Variants in EGFL7 observed in about 807,000 individuals in gnomAD.
EGFL7 encodes the protein epidermal growth factor-like protein 7.
Under a neutral mutation model 37.1 loss-of-function variants are expected in EGFL7, and 48 were observed. The observed-to-expected ratio is 1.29, with a 90% CI of 1.03 to 1.65. The LOEUF (loss-of-function observed/expected upper bound fraction) is 1.65. EGFL7 is among the 40% of genes most tolerant of loss of function. EGFL7 has a pLI of 0.00. For missense variants in EGFL7, 384 were observed against 378.9 expected (o/e 1.01, Z -0.11); for synonymous variants, 180 against 156.8 (o/e 1.15, Z -1.10).
chr9:136,670,078 C>A (rs1257337083), intron 7 of EGFL7, 69 bp downstream of exon 7: 1 of 1,601,758 alleles, frequency 6.2e-7, no homozygotes, highest in East Asian at 2.2e-5. Flanking sequence ...CCTGGGGTTA[C>A]TGCTGGCCCA....
rs531285003 is a variant in EGFL7, at chr9:136,672,373, C to T, written c.*87C>T. ...CCCAACATGCTGGGGGTCCAGAAAC[C>T]ACCTCGGGGTGACTGAGCGGAAGGC... On this transcript the variant is annotated 3_prime_UTR_variant, in exon 11 of 11. Coordinates refer to ENST00000308874, the MANE Select transcript of EGFL7 (RefSeq NM_016215.5). 8.4e-6 allele frequency: 13 copies of T among 1,549,482 alleles called. No individual in the cohort carries two copies. The African/African-American group carries it at 1.1e-4, about 13-fold the overall frequency.
At chr9:136,671,227 C>T (rs1394982515) in intron 9 of EGFL7, among the ~76,000 whole-genome samples, 7 of 44,782 alleles carry the variant, frequency 1.6e-4, no homozygotes, top group Admixed American at 6.3e-4. Context: ...GGAGGTGAGG[C>T]GTCGGGGGGG....
Position 136,666,714 on chromosome 9 carries a change from C to T in EGFL7, c.-42-1527C>T, listed in dbSNP as rs1180359199. Among the ~76,000 whole-genome samples the T allele has an allele frequency of 1.3e-5, 2 of 152,134 alleles. No homozygotes were observed. Among genetic ancestry groups the T allele is most frequent in the Admixed American group, 6.5e-5 (1 of 15,290 alleles). The stretch of plus-strand genomic sequence containing the variant: ...GCCCGCCCTGGCATCCCCCTGCCCA[C>T]ATCAAGCCGCCGGGCCGCTGCCCTA... On this transcript the variant is annotated intron_variant, in intron 3 of 10. Coordinates refer to ENST00000308874, the MANE Select transcript of EGFL7 (RefSeq NM_016215.5). The surrounding 1 kb of genome is among the most constrained non-coding windows in gnomAD (Gnocchi z 6.8).
chr9:136,671,504 G>C (rs1414591371), intron 9 of EGFL7, among the ~76,000 whole-genome samples: 2 of 152,018 alleles, frequency 1.3e-5, no homozygotes, highest in Non-Finnish European at 2.9e-5. Flanking sequence ...CTGGATCCAT[G>C]CTGGGCAGAA....
At chr9:136,665,760 C>T (rs1451099952) in intron 3 of EGFL7, 1 of 146,604 alleles carries the variant, frequency 6.8e-6, no homozygotes. Context: ...GCTCGGGGCC[C>T]CCACGGCGCG....
At chr9:136,670,793 G>A (rs112088003) in intron 8 of EGFL7, 157 bp from the exon 9 acceptor site, 3 of 767,104 alleles carry the variant, frequency 3.9e-6, no homozygotes, top group Non-Finnish European at 6.8e-6. Flanking sequence ...AGGCGGCATA[G>A]CCCTGAGACC....
chr9:136,660,904 C>T (rs575221412), upstream of EGFL7, among the ~76,000 whole-genome samples: 2 of 152,306 alleles, frequency 1.3e-5, no homozygotes, highest in Admixed American at 6.5e-5. Context: ...CTCAGTTTCC[C>T]CCTCTGTACA....
intron 3 of EGFL7, among the ~76,000 whole-genome samples, chr9:136,665,556 G>A (rs1845406344): frequency 6.6e-6 from 1 of 152,180 alleles, no homozygotes; most frequent in Non-Finnish European, 1.5e-5. Flanking sequence ...CGGGGACTCG[G>A]GCCCCAGGAT....
At chr9:136,670,738 C>T (rs902239465) in intron 8 of EGFL7, 40 of 745,448 alleles carry the variant, frequency 5.4e-5, no homozygotes, top group African/African-American at 3.4e-4. Context: ...TCAGCGTGGC[C>T]GGGACCCTGA....
At position 136,672,323 on chromosome 9, in the gene EGFL7, C is replaced by T. The variant is rs775608780; in HGVS notation, c.*37C>T. On this transcript the variant is annotated 3_prime_UTR_variant, in exon 11 of 11. Transcript: ENST00000308874. ...CCCAGGCTGGACTGAGCCCCTCACG[C>T]CGCCCTGCAGCCCCCATGCCCCTGC... The T allele has an allele frequency of 5.6e-6, 9 of 1,612,880 alleles. No homozygotes were observed. The highest frequency in any genetic ancestry group is 7.6e-6 in the Non-Finnish European group (9 of 1,179,852).
intron 2 of EGFL7, among the ~76,000 whole-genome samples, chr9:136,664,192 G>A (rs189418414): frequency 5.9e-5 from 9 of 152,322 alleles, no homozygotes; most frequent in African/African-American, 2.2e-4. Context: ...TGCTCTGGTC[G>A]TCCCTTGGAC....
chr9:136,670,765 A>G (rs969568137), intron 8 of EGFL7, 185 bp from the exon 9 acceptor site: 1 of 715,704 alleles, frequency 1.4e-6, no homozygotes, highest in Non-Finnish European at 2.6e-6. Context: ...GCGCAGAGCC[A>G]CCCGCCCCGA....
Position 136,672,032 on chromosome 9 carries a change from G to A in EGFL7, c.743G>A (p.Gly248Asp). Residue 248 changes from glycine (G) to aspartate (D), a missense_variant, in exon 10 of 11, where the codon GGC becomes GAC. By Grantham distance (94) the Gly-to-Asp change is moderately conservative. Transcript: ENST00000308874. The stretch of plus-strand genomic sequence containing the variant: ...CTGGTGCACTCCTTCCAGCAGCTCG[G>A]CCGCATCGACTCCCTGAGCGAGCAG... The part of the protein sequence containing the change: ...SLLVHSFQQL[G>D]RIDSLSEQIS... 1 of 1,545,114 alleles carries A rather than the reference G, an allele frequency of 6.5e-7. No individual in the cohort carries two copies. Among genetic ancestry groups the A allele is most frequent in the Non-Finnish European group, 8.7e-7 (1 of 1,146,884 alleles).
chr9:136,661,050 C>G (rs1845115622), upstream of EGFL7, among the ~76,000 whole-genome samples: 1 of 152,118 alleles, frequency 6.6e-6, no homozygotes, highest in African/African-American at 2.4e-5. Context: ...AGGGCACCTC[C>G]TGGGATGGGG....
rs577218094 is a variant in EGFL7 at position 136,668,674 on chromosome 9, G to A, written c.197+1G>A. 6.2e-7 allele frequency: 1 copy of A among 1,600,148 alleles called. No homozygotes were observed. Among genetic ancestry groups the A allele is most frequent in the East Asian group, 2.2e-5 (1 of 44,858 alleles). Reference sequence around the variant, plus strand: ...GGCACCGGGCCTGCAGCACCTACCGGTGAGTGCCCCACCACACCGAGCTCA... The same window carrying A: ...GGCACCGGGCCTGCAGCACCTACCGATGAGTGCCCCACCACACCGAGCTCA... On this transcript the variant is annotated splice_donor_variant, in intron 5 of 10. Coordinates refer to ENST00000308874, the MANE Select transcript of EGFL7 (RefSeq NM_016215.5). LOFTEE classifies it high-confidence loss of function.
At chr9:136,667,009 A>G (rs2119112272) in intron 3 of EGFL7, among the ~76,000 whole-genome samples, 1 of 151,822 alleles carries the variant, frequency 6.6e-6, no homozygotes, top group Non-Finnish European at 1.5e-5. Context: ...TCCAGCGCAC[A>G]GAGGACTGGA....
At chr9:136,661,860 G>A (rs9411260), upstream of EGFL7, among the ~76,000 whole-genome samples, 93,720 of 152,080 alleles carry the variant, frequency 0.62, 29,199 homozygotes, top group East Asian at 0.81. Context: ...GGGAAATGGG[G>A]GTGTCCCAGG....
Position 136,668,347 on chromosome 9 carries a change from ACGCCTACCGGCC to A in EGFL7, c.68_79del (p.Ala23_Pro26del), listed in dbSNP as rs1479426862. ...GTGTTGGCAGTGGGCGGCACAGAGC[ACGCCTACCGGCC>A]CGGGTGAGCCAAGCCCTAGCCTGGG... On this transcript the variant is annotated inframe_deletion, in exon 4 of 11. Transcript: ENST00000308874. 1.9e-6 allele frequency: 3 copies of A among 1,602,212 alleles called. No homozygotes were observed. In the African/African-American group the frequency reaches 4.0e-5, roughly 21 times the overall value.
Position 136,669,669 on chromosome 9 carries a change from G to T in EGFL7, c.261G>T (p.Ala87=). The stretch of plus-strand genomic sequence containing the variant: ...TGGCCCCTGCCAGGCCTCGCTACGC[G>T]TGCTGCCCCGGCTGGAAGAGGACCA... ...PGLAPARPRY[A]CCPGWKRTSG... The change falls in exon 6 of 11, where the codon GCG becomes GCT. Residue 87 remains alanine (A), a synonymous_variant. Transcript: ENST00000308874. 1 of 1,609,476 alleles carries T rather than the reference G, an allele frequency of 6.2e-7. No homozygotes were observed. Among genetic ancestry groups the T allele is most frequent in the Non-Finnish European group, 8.5e-7 (1 of 1,178,850 alleles).
Sources: gnomAD v4.1 joint callset for allele counts (sites outside exome capture counted in the v4.1 genomes callset) on GRCh38, gnomAD v4.1.1 for gene constraint, Gnocchi (gnomAD v3.1) non-coding constraint, MANE v1.5 for transcripts, NCBI Gene and HGNC (gene_info 2026-07-23, HGNC 2026-07-21) for gene names.